MDGA2: variants seen among roughly 807,000 people sequenced by gnomAD.
MDGA2 encodes the protein MAM domain-containing glycosylphosphatidylinositol anchor protein 2.
A neutral mutation model predicts 117.8 loss-of-function variants in MDGA2; 40 were observed. That is an observed-to-expected ratio of 0.34 (90% CI 0.26 to 0.44). The LOEUF is 0.44. MDGA2 is among the 20% of genes least tolerant of loss of function. The pLI, the probability that MDGA2 is intolerant of heterozygous loss-of-function variation, is 1.00. For synonymous variants in MDGA2, 452 were observed against 439.0 expected, an observed-to-expected ratio of 1.03 and a Z score of -0.37; for missense variants, 1,123 against 1,250.6, an observed-to-expected ratio of 0.90 and a Z score of 1.54.
chr14:47,362,717 CTA>C (rs1891150974), intron 1 of MDGA2, among the ~76,000 whole-genome samples: 1 of 152,036 alleles, frequency 6.6e-6, no homozygotes, highest in Non-Finnish European at 1.5e-5. Flanking sequence ...TCAAATTTGG[CTA>C]TGTTTTTATC....
At chr14:47,531,325 TCC>T (rs1895095852) in intron 1 of MDGA2, among the ~76,000 whole-genome samples, 1 of 152,172 alleles carries the variant, frequency 6.6e-6, no homozygotes, top group Non-Finnish European at 1.5e-5. Context: ...CTGGTATTTC[TCC>T]TTTAGAAAGA....
intron 5 of MDGA2, among the ~76,000 whole-genome samples, chr14:47,107,742 T>C (rs989871407): frequency 0.016 from 2,407 of 150,918 alleles, 48 homozygotes; most frequent in African/African-American, 0.056. Context: ...GGTCAGAATT[T>C]TTACACAAGA....
chr14:47,545,558 A>C (rs749324054), intron 1 of MDGA2, among the ~76,000 whole-genome samples: 6 of 152,188 alleles, frequency 3.9e-5, no homozygotes, highest in Non-Finnish European at 8.8e-5. Flanking sequence ...CCAAAAGCAA[A>C]GGAAAACTAT....
At chr14:47,189,795 A>C (rs1885043674) in intron 3 of MDGA2, among the ~76,000 whole-genome samples, 1 of 152,190 alleles carries the variant, frequency 6.6e-6, no homozygotes, top group South Asian at 2.1e-4. Flanking sequence ...AGAGGTATTT[A>C]ATCACTTTGT....
chr14:47,387,212 C>T (rs1035523369), intron 1 of MDGA2, among the ~76,000 whole-genome samples: 4 of 152,050 alleles, frequency 2.6e-5, no homozygotes, highest in African/African-American at 9.7e-5. Flanking sequence ...TAGGCCAAAT[C>T]GGTTCTACAA....
intron 8 of MDGA2, among the ~76,000 whole-genome samples, chr14:46,997,971 G>T (rs1887358554): frequency 6.6e-6 from 1 of 152,030 alleles, no homozygotes; most frequent in African/African-American, 2.4e-5. Flanking sequence ...GGCCAATGGT[G>T]ATTTTGTTAT....
intron 2 of MDGA2, among the ~76,000 whole-genome samples, chr14:47,264,410 G>A (rs2139682114): frequency 6.6e-6 from 1 of 152,158 alleles, no homozygotes; most frequent in Admixed American, 6.5e-5. Flanking sequence ...CATATTTTTG[G>A]AACACAGTAC....
chr14:46,909,791 G>A (rs539772106), intron 10 of MDGA2, among the ~76,000 whole-genome samples: 12 of 152,112 alleles, frequency 7.9e-5, no homozygotes, highest in Non-Finnish European at 1.8e-4. Context: ...CAGAGAAACT[G>A]CTTATTCAAT....
chr14:47,178,564 T>A (rs1466092475), intron 3 of MDGA2, among the ~76,000 whole-genome samples: 1 of 152,316 alleles, frequency 6.6e-6, no homozygotes, highest in Non-Finnish European at 1.5e-5. Context: ...AAATGTTTCA[T>A]GTTTACCATT....
intron 1 of MDGA2, among the ~76,000 whole-genome samples, chr14:47,533,550 G>A (rs1419764785): frequency 3.3e-5 from 5 of 152,178 alleles, no homozygotes; most frequent in African/African-American, 9.7e-5. Context: ...CACACGTATT[G>A]TCTGCCTCCA....
chr14:47,066,866 C>T (rs1890103100), intron 6 of MDGA2, among the ~76,000 whole-genome samples: 1 of 152,100 alleles, frequency 6.6e-6, no homozygotes, highest in Non-Finnish European at 1.5e-5. Context: ...CTCATGCCTG[C>T]ACTTTGGGAG....
In MDGA2 at chr14:47,362,966, G is replaced by A. The variant is rs138511498; in HGVS notation, c.281-61416C>T. On this transcript the variant is annotated intron_variant, in intron 1 of 16. Coordinates refer to ENST00000399232, the MANE Select transcript of MDGA2 (RefSeq NM_001113498.3). Reference sequence around the variant, plus strand: ...GAATATATGCATCCTTGATGCAAAAGCAATTAGTAAAGCTTTTGAAAATAG... The same window carrying A: ...GAATATATGCATCCTTGATGCAAAAACAATTAGTAAAGCTTTTGAAAATAG... Among the ~76,000 whole-genome samples, 7 of 152,234 alleles carry A rather than the reference G, an allele frequency of 4.6e-5. No individual in the cohort carries two copies. The East Asian group carries it at 1.4e-3, about 29-fold the overall frequency.
At chr14:47,579,884 C>T (rs547097186) in intron 1 of MDGA2, among the ~76,000 whole-genome samples, 95 of 152,114 alleles carry the variant, frequency 6.2e-4, no homozygotes, top group African/African-American at 2.2e-3. Context: ...ATAGCAATCA[C>T]TAAAACTATT....
chr14:47,266,879 G>A (rs1263468597), intron 2 of MDGA2, among the ~76,000 whole-genome samples: 1 of 152,136 alleles, frequency 6.6e-6, no homozygotes, highest in African/African-American at 2.4e-5. Context: ...TAGGAGAGGT[G>A]CTCTGCCTTC....
chr14:47,113,945 TAGAA>T (rs1278879195), intron 5 of MDGA2, among the ~76,000 whole-genome samples: 2 of 151,990 alleles, frequency 1.3e-5, no homozygotes, highest in Non-Finnish European at 2.9e-5. Context: ...GGTATTCAGA[TAGAA>T]AGAGAGGAAG....
intron 6 of MDGA2, among the ~76,000 whole-genome samples, chr14:47,066,618 T>C (rs560231880): frequency 2.0e-4 from 30 of 152,302 alleles, no homozygotes; most frequent in African/African-American, 6.3e-4. Context: ...CAACTCTCTT[T>C]GTAAAGGAGG....
chr14:47,350,290 T>C (rs1013653652), intron 1 of MDGA2, among the ~76,000 whole-genome samples: 2 of 152,174 alleles, frequency 1.3e-5, no homozygotes, highest in African/African-American at 4.8e-5. Flanking sequence ...GAGTTCTATA[T>C]GCTGCTCTCA....
intron 1 of MDGA2, among the ~76,000 whole-genome samples, chr14:47,385,455 A>G (rs1433601254): frequency 2.0e-5 from 3 of 152,200 alleles, no homozygotes; most frequent in African/African-American, 4.8e-5. Flanking sequence ...CAAAATAAAA[A>G]TTGAAACACA....
At chr14:47,583,263 A>T (rs2138844098) in intron 1 of MDGA2, among the ~76,000 whole-genome samples, 1 of 151,940 alleles carries the variant, frequency 6.6e-6, no homozygotes, top group African/African-American at 2.4e-5. Context: ...ATTAGACTGT[A>T]TGGTCAGGAA....
Sources: allele counts gnomAD v4.1 joint callset (sites outside exome capture counted in the v4.1 genomes callset), GRCh38; gene constraint gnomAD v4.1.1; transcripts MANE v1.5; gene names NCBI Gene and HGNC (gene_info 2026-07-23, HGNC 2026-07-21).